HCRTR2: variants seen among roughly 807,000 people sequenced by gnomAD.
HCRTR2 encodes the protein hypocretin receptor 2.
HCRTR2 carries 22 observed loss-of-function variants against 49.0 expected under a neutral mutation model. That is an observed-to-expected ratio of 0.45 (90% CI 0.32 to 0.64). HCRTR2 has a LOEUF of 0.64. Ranked by LOEUF, HCRTR2 falls within the 30% of genes least tolerant of loss-of-function variation. The pLI is 0.04. For missense variants in HCRTR2, 491 were observed against 559.4 expected (o/e 0.88, Z 1.23); for synonymous variants, 236 against 205.3 (o/e 1.15, Z -1.28).
intron 1 of HCRTR2, among the ~76,000 whole-genome samples, chr6:55,195,041 T>C (rs75066500): frequency 0.012 from 1,766 of 152,122 alleles, 36 homozygotes; most frequent in African/African-American, 0.041. Context: ...TCCAGTAAAA[T>C]GATCACCAAA....
intron 1 of HCRTR2, among the ~76,000 whole-genome samples, chr6:55,159,416 A>T (rs1365711460): frequency 6.6e-6 from 1 of 152,122 alleles, no homozygotes; most frequent in African/African-American, 2.4e-5. Flanking sequence ...ATTCCAAAAA[A>T]CAGAATACCT....
At chr6:55,188,383 A>C (rs970588349) in intron 1 of HCRTR2, among the ~76,000 whole-genome samples, 3 of 152,198 alleles carry the variant, frequency 2.0e-5, no homozygotes, top group Non-Finnish European at 4.4e-5. Context: ...GGAGTTCAGA[A>C]GACCGCTCTG....
At position 55,132,108 on chromosome 6, in the gene HCRTR2, TTGAA is replaced by T. The variant is rs894881845; in HGVS notation, c.-378+25565_-378+25568del. On this transcript the variant is annotated intron_variant, in intron 1 of 7. Coordinates refer to the HCRTR2 transcript ENST00000615358. ...CTTTAATTAATAAAATTAATAATCT[TTGAA>T]TAACACTTTAATTTTATATTTTTGA... Among the ~76,000 whole-genome samples, 14 of 151,854 alleles carry T rather than the reference TTGAA, an allele frequency of 9.2e-5. No homozygotes were observed. The East Asian group carries it at 2.5e-3, about 27-fold the overall frequency.
intron 1 of HCRTR2, among the ~76,000 whole-genome samples, chr6:55,187,233 C>G (rs988738931): frequency 1.3e-5 from 2 of 151,528 alleles, no homozygotes; most frequent in East Asian, 3.9e-4. Context: ...GGTAAAACCC[C>G]ATCTCTACTA....
chr6:55,174,758 G>T lies in HCRTR2; in HGVS notation c.171G>T (p.Leu57=). The T allele has an allele frequency of 6.2e-7, 1 of 1,614,074 alleles. No homozygotes were observed. Among genetic ancestry groups the T allele is most frequent in the Non-Finnish European group, 8.5e-7 (1 of 1,180,006 alleles). The change falls in exon 1 of 7, where the codon CTG becomes CTT. Residue 57 remains leucine, a synonymous_variant. Transcript: ENST00000370862. ...YLHPKEYEWV[L]IAGYIIVFVV... ...ACCCGAAAGAATATGAGTGGGTCCTGATCGCCGGGTACATCATCGTGTTCG... is the reference window on the plus strand; with the variant it reads ...ACCCGAAAGAATATGAGTGGGTCCTTATCGCCGGGTACATCATCGTGTTCG...
chr6:55,121,134 A>G (rs993154477), intron 1 of HCRTR2, among the ~76,000 whole-genome samples: 1 of 151,954 alleles, frequency 6.6e-6, no homozygotes, highest in Non-Finnish European at 1.5e-5. Context: ...ATTTGTTTGT[A>G]TCCTCTTTTA....
intron 1 of HCRTR2, among the ~76,000 whole-genome samples, chr6:55,154,391 C>G (rs1764702626): frequency 6.6e-6 from 1 of 151,788 alleles, no homozygotes; most frequent in Admixed American, 6.6e-5. Flanking sequence ...TCCTAGCAAA[C>G]TAAATTCAAC....
intron 1 of HCRTR2, among the ~76,000 whole-genome samples, chr6:55,226,813 G>C (rs1454971840): frequency 1.4e-5 from 2 of 146,254 alleles, no homozygotes; most frequent in Non-Finnish European, 3.0e-5. Context: ...CCGCCTCCCG[G>C]GTTCACACCA....
chr6:55,127,789 A>G (rs899582226), intron 1 of HCRTR2, among the ~76,000 whole-genome samples: 2 of 132,800 alleles, frequency 1.5e-5, no homozygotes, highest in African/African-American at 6.1e-5. Context: ...GCCAGAAACA[A>G]TCTCATCAAT....
At chr6:55,117,653 G>A (rs1212415427) in intron 1 of HCRTR2, among the ~76,000 whole-genome samples, 1 of 150,974 alleles carries the variant, frequency 6.6e-6, no homozygotes, top group East Asian at 1.9e-4. Flanking sequence ...CAGAGCAATT[G>A]CACCTGTTGT....
chr6:55,180,968 T>TC (rs947488802), intron 1 of HCRTR2, among the ~76,000 whole-genome samples: 1 of 150,868 alleles, frequency 6.6e-6, no homozygotes, highest in East Asian at 2.0e-4. Context: ...CCCAGCTATT[T>TC]TTTTTTTTTT....
At chr6:55,276,265 T>C (rs928807674) in intron 4 of HCRTR2, among the ~76,000 whole-genome samples, 6 of 152,228 alleles carry the variant, frequency 3.9e-5, no homozygotes, top group African/African-American at 1.4e-4. Flanking sequence ...ATCATTTGCC[T>C]CTTCAAGAAA....
intron 1 of HCRTR2, among the ~76,000 whole-genome samples, chr6:55,182,256 A>C (rs1463046018): frequency 6.6e-6 from 1 of 152,232 alleles, no homozygotes; most frequent in Non-Finnish European, 1.5e-5. Flanking sequence ...ACTTCCTGAT[A>C]GTCACATCAT....
At chr6:55,243,979 T>C (rs1424352016) in intron 1 of HCRTR2, among the ~76,000 whole-genome samples, 2 of 152,116 alleles carry the variant, frequency 1.3e-5, no homozygotes, top group Admixed American at 6.5e-5. Context: ...TTGGATACTA[T>C]TTAATTGGTT....
chr6:55,208,877 G>A (rs1441982852), intron 1 of HCRTR2, among the ~76,000 whole-genome samples: 1 of 152,182 alleles, frequency 6.6e-6, no homozygotes, highest in Non-Finnish European at 1.5e-5. Context: ...TGACAAATGT[G>A]TAAAAGCATT....
intron 1 of HCRTR2, among the ~76,000 whole-genome samples, chr6:55,212,312 C>T (rs116395718): frequency 0.012 from 1,874 of 152,192 alleles, 40 homozygotes; most frequent in African/African-American, 0.043. Context: ...CTACACATTC[C>T]ATTCCCCCTT....
chr6:55,146,118 A>T (rs1421679908), intron 1 of HCRTR2, among the ~76,000 whole-genome samples: 2 of 152,196 alleles, frequency 1.3e-5, no homozygotes, highest in Non-Finnish European at 2.9e-5. Context: ...TTCCCCTGTA[A>T]AATTGCTTGG....
intron 5 of HCRTR2, among the ~76,000 whole-genome samples, chr6:55,279,670 A>G (rs1767150613): frequency 6.6e-6 from 1 of 152,128 alleles, no homozygotes; most frequent in Non-Finnish European, 1.5e-5. Flanking sequence ...GAATTTATAG[A>G]TGGAATATTT....
intron 1 of HCRTR2, among the ~76,000 whole-genome samples, chr6:55,215,057 A>G (rs1765763938): frequency 2.0e-5 from 3 of 152,196 alleles, no homozygotes. Context: ...TATGAAAGAC[A>G]ATAGATATTC....
Sources: gnomAD v4.1 joint callset for allele counts (sites outside exome capture counted in the v4.1 genomes callset) on GRCh38, gnomAD v4.1.1 for gene constraint, MANE v1.5 for transcripts, NCBI Gene and HGNC (gene_info 2026-07-23, HGNC 2026-07-21) for gene names.